ATP5MK: variants seen among roughly 807,000 people sequenced by gnomAD.
ATP5MK encodes the protein ATP synthase F(0) complex subunit k, mitochondrial.
A neutral mutation model predicts 6.6 loss-of-function variants in ATP5MK; 5 were observed. The ratio of observed to expected loss-of-function variants is 0.76; its 90% CI spans 0.40 to 1.60. ATP5MK has a LOEUF of 1.60. ATP5MK is among the 40% of genes most tolerant of loss of function. ATP5MK has a pLI of 0.02. For synonymous variants in ATP5MK, 30 were observed against 24.5 expected, an observed-to-expected ratio of 1.22 and a Z score of -0.66; for missense variants, 57 against 66.6, an observed-to-expected ratio of 0.86 and a Z score of 0.50.
At chr10:103,395,652 T>C (rs1252354298) in intron 2 of ATP5MK, 94 bp downstream of exon 2, 2 of 152,286 alleles carry the variant, frequency 1.3e-5, no homozygotes, top group East Asian at 1.9e-4. Context: ...ACCTGTGAGA[T>C]GGGCACTTTA....
intron 4 of ATP5MK, among the ~76,000 whole-genome samples, chr10:103,390,564 A>G (rs1181859376): frequency 6.6e-6 from 1 of 152,150 alleles, no homozygotes; most frequent in Non-Finnish European, 1.5e-5. Context: ...CAAGGCGGGC[A>G]TATCACCTGA....
intron 4 of ATP5MK, among the ~76,000 whole-genome samples, chr10:103,391,591 T>A (rs1158266941): frequency 6.6e-6 from 1 of 152,112 alleles, no homozygotes. Flanking sequence ...CACTGCAACC[T>A]CTGCCTCTTG....
intron 1 of ATP5MK, 181 bp from the exon 2 acceptor site, chr10:103,396,213 C>G (rs1244464059): frequency 1.3e-5 from 2 of 152,336 alleles, no homozygotes; most frequent in Admixed American, 6.5e-5. Flanking sequence ...CTTGGGCGCA[C>G]CTATCCGCCT....
rs1205068000 is a variant in ATP5MK at position 103,396,399 on chromosome 10, C to T, written c.-297+10G>A. ...GCCAGGTCCAAGCCCGGACTCCCCT[C>T]TTCACCCACCTGCCAAAGCCGCAAA... On this transcript the variant is annotated intron_variant, in intron 1 of 4. Coordinates refer to ENST00000369815, the MANE Select transcript of ATP5MK (RefSeq NM_001206427.2). 6.6e-6 allele frequency: 1 copy of T among 152,392 alleles called. No homozygotes were observed. The highest frequency in any genetic ancestry group is 2.4e-5 in the African/African-American group (1 of 41,472). 9.4% of individuals were successfully genotyped at this position (152,392 alleles called of 1,614,324 possible). A position where few individuals can be genotyped will look rare whatever the true frequency, so the allele number is the denominator to read the frequency against.
intron 4 of ATP5MK, 42 bp downstream of exon 4, chr10:103,392,149 C>T (rs906205277): frequency 6.5e-7 from 1 of 1,539,366 alleles, no homozygotes; most frequent in Non-Finnish European, 8.8e-7. Context: ...ATCCTAACAT[C>T]AAAATGGCTA....
chr10:103,396,225 A>C (rs2133656752), intron 1 of ATP5MK, among the ~76,000 whole-genome samples, 184 bp downstream of exon 1: 1 of 152,248 alleles, frequency 6.6e-6, no homozygotes, highest in Middle Eastern at 3.4e-3. Flanking sequence ...TATCCGCCTC[A>C]CCTCGAGGCT....
chr10:103,391,759 C>T (rs568123513), intron 4 of ATP5MK, among the ~76,000 whole-genome samples: 9 of 152,240 alleles, frequency 5.9e-5, no homozygotes, highest in South Asian at 4.1e-4. Flanking sequence ...CCGCCTGCCT[C>T]GGCCTCCCAT....
intron 4 of ATP5MK, among the ~76,000 whole-genome samples, chr10:103,391,478 T>G (rs199918396): frequency 3.3e-5 from 5 of 152,108 alleles, no homozygotes; most frequent in Non-Finnish European, 7.4e-5. Flanking sequence ...TAACAAAAAC[T>G]GTTAGGGTCT....
intron 2 of ATP5MK, chr10:103,394,278 C>T (rs1162349904): frequency 5.6e-6 from 3 of 533,306 alleles, no homozygotes; most frequent in Non-Finnish European, 1.2e-5. Context: ...GCTGAAAATT[C>T]GTATGCATGA....
At chr10:103,393,957 C>A (rs556369170) in intron 2 of ATP5MK, among the ~76,000 whole-genome samples, 1 of 152,174 alleles carries the variant, frequency 6.6e-6, no homozygotes, top group Admixed American at 6.5e-5. Context: ...GTCAATGGTT[C>A]TGGGTCTTGT....
rs1394171702 is a variant in ATP5MK at position 103,393,590 on chromosome 10, AAAAT to A, written c.-9-1128_-9-1125del. Among the ~76,000 whole-genome samples the A allele has an allele frequency of 1.5e-3, 233 of 151,880 alleles. No homozygotes were observed. In the Middle Eastern group the frequency reaches 0.017, roughly 11 times the overall value. ...GCGAGACGCCGTCTCAAAAAAAAAA[AAAAT>A]AAATAAATAAAAAATAAATAAACTG... On this transcript the variant is annotated intron_variant, in intron 2 of 4. Coordinates refer to ENST00000369815, the MANE Select transcript of ATP5MK (RefSeq NM_001206427.2).
At chr10:103,395,190 G>T (rs2093428117) in intron 2 of ATP5MK, among the ~76,000 whole-genome samples, 1 of 152,204 alleles carries the variant, frequency 6.6e-6, no homozygotes, top group African/African-American at 2.4e-5. Context: ...TCAGCACGGT[G>T]CAGGTTACTT....
intron 4 of ATP5MK, among the ~76,000 whole-genome samples, chr10:103,390,069 A>AAGTT (rs1176803306): frequency 6.6e-6 from 1 of 152,044 alleles, no homozygotes; most frequent in African/African-American, 2.4e-5. Context: ...CACCCTTCTG[A>AAGTT]AGTTAGGAGG....
At position 103,392,186 on chromosome 10, in the gene ATP5MK, C is replaced by T; in HGVS notation, c.*3+5G>A. On this transcript the variant is annotated splice_donor_5th_base_variant and intron_variant, in intron 4 of 4. Coordinates refer to ENST00000369815, the MANE Select transcript of ATP5MK (RefSeq NM_001206427.2). ...ATTATAAAGGTTTAAATGTCAACTT[C>T]TTACCATTTATGTTGCTTTCACAGC... The T allele has an allele frequency of 6.3e-7, 1 of 1,599,420 alleles. No homozygotes were observed. The highest frequency in any genetic ancestry group is 8.5e-7 in the Non-Finnish European group (1 of 1,170,894).
intron 2 of ATP5MK, among the ~76,000 whole-genome samples, chr10:103,393,973 G>T (rs1447884786): frequency 2.6e-5 from 4 of 152,158 alleles, no homozygotes; most frequent in African/African-American, 9.7e-5. Flanking sequence ...CTTGTCCCTA[G>T]ACCAGCAGCA....
chr10:103,389,759 T>C (rs543825567), intron 4 of ATP5MK, among the ~76,000 whole-genome samples: 22 of 152,034 alleles, frequency 1.4e-4, no homozygotes, highest in African/African-American at 5.3e-4. Flanking sequence ...GGAGACACAG[T>C]CTCGCTCTAT....
intron 2 of ATP5MK, among the ~76,000 whole-genome samples, chr10:103,394,982 TG>T (rs1255534895): frequency 6.6e-6 from 1 of 152,106 alleles, no homozygotes; most frequent in African/African-American, 2.4e-5. Flanking sequence ...GGAAGGCTGA[TG>T]TTTTGTGATA....
At chr10:103,390,265 G>A (rs1592099188) in intron 4 of ATP5MK, among the ~76,000 whole-genome samples, 1 of 152,108 alleles carries the variant, frequency 6.6e-6, no homozygotes, top group African/African-American at 2.4e-5. Flanking sequence ...ACTGAGGCAG[G>A]TGGATCACTT....
At chr10:103,392,938 G>A (rs1345218563) in intron 2 of ATP5MK, among the ~76,000 whole-genome samples, 2 of 151,960 alleles carry the variant, frequency 1.3e-5, no homozygotes, top group East Asian at 1.9e-4. Context: ...ACCTCCATGG[G>A]AGAAGGGAGA....
Sources: allele counts gnomAD v4.1 joint callset (sites outside exome capture counted in the v4.1 genomes callset), GRCh38; gene constraint gnomAD v4.1.1; transcripts MANE v1.5; gene names NCBI Gene and HGNC (gene_info 2026-07-23, HGNC 2026-07-21).